SLC39A14: variants seen among roughly 807,000 people sequenced by gnomAD.
SLC39A14 encodes solute carrier family 39 member 14.
SLC39A14 carries 19 observed loss-of-function variants against 45.5 expected under a neutral mutation model. The observed-to-expected ratio is 0.42, with a 90% CI of 0.29 to 0.61. SLC39A14 has a LOEUF of 0.61. SLC39A14 is among the 20% of genes least tolerant of loss of function. SLC39A14 has a pLI of 0.22. For synonymous variants in SLC39A14, 264 were observed against 251.3 expected (o/e 1.05, Z -0.48); for missense variants, 447 against 616.5 (o/e 0.73, Z 2.91).
intron 2 of SLC39A14, among the ~76,000 whole-genome samples, chr8:22,406,187 G>A (rs1014295761): frequency 7.2e-5 from 11 of 152,180 alleles, no homozygotes; most frequent in East Asian, 5.8e-4. Flanking sequence ...TGTGGCTCAC[G>A]CCTGTAATCC....
intron 1 of SLC39A14, among the ~76,000 whole-genome samples, chr8:22,374,507 G>C (rs970481707): frequency 1.3e-5 from 2 of 152,132 alleles, no homozygotes; most frequent in African/African-American, 4.8e-5. Context: ...AAGCGGGAGA[G>C]AGAGCAGGGT....
chr8:22,417,187 G>A (rs886227435), intron 7 of SLC39A14, among the ~76,000 whole-genome samples: 1 of 152,204 alleles, frequency 6.6e-6, no homozygotes, highest in Non-Finnish European at 1.5e-5. Context: ...TTAACTTCTC[G>A]CAGTTTTGAT....
Position 22,421,201 on chromosome 8 carries a change from C to G in SLC39A14, c.*1503C>G, listed in dbSNP as rs999004087. 6.1e-5 allele frequency: 60 copies of G among 985,708 alleles called. No homozygotes were observed. The highest frequency in any genetic ancestry group is 7.2e-5 in the Non-Finnish European group (60 of 829,942). 61.1% of individuals were successfully genotyped at this position (985,708 alleles called of 1,614,324 possible). A position where few individuals can be genotyped will look rare whatever the true frequency, so the allele number is the denominator to read the frequency against. On this transcript the variant is annotated 3_prime_UTR_variant, in exon 9 of 9. Coordinates refer to ENST00000381237, the MANE Select transcript of SLC39A14 (RefSeq NM_001128431.4). ...CCATGTTTGCAAACTGATTCATGTG[C>G]ATGGCTGACAGGAGTACTGGTTCAC... is the stretch of plus-strand genomic sequence containing the variant.
rs1171573713 is a variant in SLC39A14 at position 22,404,929 on chromosome 8, G to A, written c.219G>A (p.Val73=). The change falls in exon 2 of 9, where the codon GTG becomes GTA. Residue 73 remains valine, a synonymous_variant. Transcript: ENST00000381237. ...KALLNHLDVG[V]GRGNVTQHVQ... ...TACTCAACCACCTGGATGTGGGAGT[G>A]GGCCGGGGTAATGTCACCCAGCACG... 6.2e-7 allele frequency: 1 copy of A among 1,614,052 alleles called. No individual in the cohort carries two copies. Among genetic ancestry groups the A allele is most frequent in the African/African-American group, 1.3e-5 (1 of 74,928 alleles).
intron 2 of SLC39A14, 140 bp downstream of exon 2, chr8:22,405,120 C>G (rs954352638): frequency 1.4e-6 from 1 of 713,034 alleles, no homozygotes; most frequent in Non-Finnish European, 2.3e-6. Flanking sequence ...ATAGAGTGGA[C>G]AGGCTGATTC....
intron 3 of SLC39A14, chr8:22,410,087 C>CT: frequency 6.2e-7 from 1 of 1,614,158 alleles, no homozygotes; most frequent in Non-Finnish European, 8.5e-7. Flanking sequence ...ACGCTGCTGT[C>CT]TAACGCGCTA....
At chr8:22,417,868 C>A in intron 8 of SLC39A14, 33 bp downstream of exon 8, 1 of 1,571,950 alleles carries the variant, frequency 6.4e-7, no homozygotes, top group Non-Finnish European at 8.7e-7. Flanking sequence ...GATGAGAGGG[C>A]GGCTAAGGGG....
chr8:22,405,895 T>C (rs1835182599), intron 2 of SLC39A14, among the ~76,000 whole-genome samples: 1 of 152,212 alleles, frequency 6.6e-6, no homozygotes, highest in Admixed American at 6.5e-5. Flanking sequence ...ATATATCGAC[T>C]TTGTTCCCTG....
At chr8:22,369,550 G>A (rs1032246333) in intron 1 of SLC39A14, among the ~76,000 whole-genome samples, 3 of 152,224 alleles carry the variant, frequency 2.0e-5, no homozygotes, top group African/African-American at 7.2e-5. Flanking sequence ...CTCTTGGGGA[G>A]AAACAGCATC....
chr8:22,428,441 C>CTTTTT (rs59846887), intron 8 of SLC39A14, among the ~76,000 whole-genome samples: 1 of 116,422 alleles, frequency 8.6e-6, no homozygotes, highest in Non-Finnish European at 1.7e-5. Flanking sequence ...TTCATATGTT[C>CTTTTT]TTTTTTTTTT....
chr8:22,406,095 GGCTCGA>G (rs1375712131), intron 2 of SLC39A14, among the ~76,000 whole-genome samples: 1 of 152,192 alleles, frequency 6.6e-6, no homozygotes, highest in Non-Finnish European at 1.5e-5. Context: ...CATCAGGGAA[GGCTCGA>G]GCGTGGGGTG....
intron 1 of SLC39A14, among the ~76,000 whole-genome samples, chr8:22,373,078 A>G (rs1206016749): frequency 1.3e-5 from 2 of 152,106 alleles, no homozygotes; most frequent in African/African-American, 2.4e-5. Flanking sequence ...CCTGGCCAAC[A>G]TGGTGAAACC....
At chr8:22,426,779 G>A (rs972441306), downstream of SLC39A14, among the ~76,000 whole-genome samples, 1 of 152,024 alleles carries the variant, frequency 6.6e-6, no homozygotes, top group Non-Finnish European at 1.5e-5. Flanking sequence ...CGCCTCCCAG[G>A]TTCAAGCAAT....
chr8:22,411,623 T>A (rs1483178701), intron 3 of SLC39A14, among the ~76,000 whole-genome samples: 1 of 152,118 alleles, frequency 6.6e-6, no homozygotes, highest in Non-Finnish European at 1.5e-5. Flanking sequence ...AGCCCTCGAG[T>A]CCAAAGTCTG....
intron 1 of SLC39A14, among the ~76,000 whole-genome samples, chr8:22,387,542 T>C (rs1424221174): frequency 6.6e-6 from 1 of 152,172 alleles, no homozygotes; most frequent in Non-Finnish European, 1.5e-5. Flanking sequence ...AGTGGTTATG[T>C]TGTCAGGGAA....
intron 1 of SLC39A14, among the ~76,000 whole-genome samples, chr8:22,388,560 C>T (rs1223551746): frequency 3.3e-5 from 2 of 60,010 alleles, no homozygotes; most frequent in East Asian, 4.0e-4. Flanking sequence ...TGGGGAGGGG[C>T]GGTGATGAAG....
intron 7 of SLC39A14, among the ~76,000 whole-genome samples, chr8:22,417,134 T>C (rs994269498): frequency 6.6e-6 from 1 of 152,246 alleles, no homozygotes; most frequent in Non-Finnish European, 1.5e-5. Flanking sequence ...TGCCATATAT[T>C]GACTTGTGAC....
Position 22,397,360 on chromosome 8 carries a change from C to T in SLC39A14, c.-15-7336C>T, listed in dbSNP as rs183318213. On this transcript the variant is annotated intron_variant, in intron 1 of 8. Coordinates refer to ENST00000381237, the MANE Select transcript of SLC39A14 (RefSeq NM_001128431.4). ...TTGGGAGGCCGAGGCGGGCAAATCACGAGGTCAGGAGATCGAGACCATCCT... is the reference window on the plus strand; with the variant it reads ...TTGGGAGGCCGAGGCGGGCAAATCATGAGGTCAGGAGATCGAGACCATCCT... 3.9e-3 allele frequency among the ~76,000 whole-genome samples: 597 copies of T among 152,210 alleles called. 5 individuals are homozygous for T. The highest frequency in any genetic ancestry group is 0.014 in the African/African-American group (564 of 41,548).
downstream of SLC39A14, among the ~76,000 whole-genome samples, chr8:22,423,340 G>T (rs1457480159): frequency 5.9e-5 from 8 of 135,876 alleles, no homozygotes; most frequent in East Asian, 1.1e-3. Context: ...TTGTTGTTTT[G>T]TTTTTTTTTT....
Sources: gnomAD v4.1 joint callset for allele counts (sites outside exome capture counted in the v4.1 genomes callset) on GRCh38, gnomAD v4.1.1 for gene constraint, MANE v1.5 for transcripts, NCBI Gene and HGNC (gene_info 2026-07-23, HGNC 2026-07-21) for gene names.